Variants in UST observed in about 807,000 individuals in gnomAD.
UST encodes chondroitin sulfate 2-O-sulfotransferase.
UST carries 21 observed loss-of-function variants against 45.6 expected under a neutral mutation model. The ratio of observed to expected loss-of-function variants is 0.46; its 90% CI spans 0.33 to 0.66. UST has a LOEUF of 0.66. Ranked by LOEUF, UST falls within the 30% of genes least tolerant of loss-of-function variation. The pLI is 0.02. For missense variants in UST, 463 were observed against 512.4 expected, an observed-to-expected ratio of 0.90 and a Z score of 0.93; for synonymous variants, 215 against 200.6, an observed-to-expected ratio of 1.07 and a Z score of -0.61.
chr6:149,014,123 G>T (rs2115015596), intron 5 of UST, among the ~76,000 whole-genome samples: 1 of 152,354 alleles, frequency 6.6e-6, no homozygotes, highest in African/African-American at 2.4e-5. Flanking sequence ...GGAGAAGGAG[G>T]CAGGGCTGTG....
At chr6:148,904,506 T>G (rs2114868737) in intron 2 of UST, among the ~76,000 whole-genome samples, 1 of 152,230 alleles carries the variant, frequency 6.6e-6, no homozygotes, top group South Asian at 2.1e-4. Context: ...TAGTGGTTAT[T>G]GACTCTTATT....
chr6:149,047,388 T>C (rs1015527519), intron 7 of UST, among the ~76,000 whole-genome samples: 19 of 152,248 alleles, frequency 1.2e-4, no homozygotes, highest in Admixed American at 1.2e-3. Context: ...ATGAAATAGA[T>C]TTAGGATTTC....
rs547803599 is a variant in UST at position 148,821,273 on chromosome 6, AT to A, written c.248-65702del. On this transcript the variant is annotated intron_variant, in intron 1 of 7. Transcript: ENST00000367463. Reference sequence around the variant, plus strand: ...GGCATGAGCCACCGCACCTGGCTGTATTTTTTTTTTTAAGTCTAATCCAATA... The same window carrying A: ...GGCATGAGCCACCGCACCTGGCTGTATTTTTTTTTTAAGTCTAATCCAATA... 4.4e-3 allele frequency among the ~76,000 whole-genome samples: 653 copies of A among 147,114 alleles called. 3 individuals carry two copies. The highest frequency in any genetic ancestry group is 0.014 in the African/African-American group (548 of 40,326).
chr6:149,000,547 T>A (rs1260022916), intron 5 of UST, among the ~76,000 whole-genome samples: 1 of 151,490 alleles, frequency 6.6e-6, no homozygotes, highest in African/African-American at 2.4e-5. Context: ...CTACAGACCA[T>A]ACATTCTAAG....
At chr6:149,011,276 A>C (rs1334477705) in intron 5 of UST, among the ~76,000 whole-genome samples, 1 of 152,164 alleles carries the variant, frequency 6.6e-6, no homozygotes. Context: ...AATTGAACTC[A>C]TGGAGATAGA....
At chr6:148,870,990 G>A (rs1778539048) in intron 1 of UST, among the ~76,000 whole-genome samples, 1 of 152,068 alleles carries the variant, frequency 6.6e-6, no homozygotes, top group Non-Finnish European at 1.5e-5. Context: ...ATATATTGAA[G>A]CCCTAACCCC....
rs1442528162 is a variant in UST, at chr6:148,909,993, GGAA to G, written c.291+22969_291+22971del. The stretch of plus-strand genomic sequence containing the variant: ...AGGAACTGTTCTGCATTGTTTTTGG[GGAA>G]GAAGTGTTTGCTATTTAATGATTTG... On this transcript the variant is annotated intron_variant, in intron 2 of 7. Coordinates refer to ENST00000367463, the MANE Select transcript of UST (RefSeq NM_005715.3). 2.0e-5 allele frequency among the ~76,000 whole-genome samples: 3 copies of G among 152,034 alleles called. No homozygotes were observed. In the South Asian group the frequency reaches 6.2e-4, roughly 32 times the overall value.
intron 5 of UST, among the ~76,000 whole-genome samples, chr6:149,010,847 G>C (rs569070745): frequency 7.5e-6 from 1 of 133,840 alleles, no homozygotes; most frequent in Non-Finnish European, 1.5e-5. Flanking sequence ...AGCCGAGATC[G>C]CGCCTCTGCA....
At chr6:148,849,454 G>A (rs1016498975) in intron 1 of UST, among the ~76,000 whole-genome samples, 7 of 151,956 alleles carry the variant, frequency 4.6e-5, no homozygotes, top group African/African-American at 1.5e-4. Context: ...AGTTTATTCC[G>A]GGCAGTTTAC....
intron 5 of UST, chr6:148,990,328 A>G (rs1281071679): frequency 1.4e-5 from 13 of 923,704 alleles, no homozygotes; most frequent in African/African-American, 1.8e-5. Context: ...AAGACAAAGA[A>G]TAAGATTTGA....
chr6:148,984,702 G>A (rs1252028494), intron 5 of UST, among the ~76,000 whole-genome samples: 1 of 152,114 alleles, frequency 6.6e-6, no homozygotes, highest in Non-Finnish European at 1.5e-5. Context: ...AGCGAATGGG[G>A]CCTTGCTGTG....
At chr6:149,021,109 T>C (rs1775971329) in intron 6 of UST, among the ~76,000 whole-genome samples, 1 of 151,926 alleles carries the variant, frequency 6.6e-6, no homozygotes, top group African/African-American at 2.4e-5. Context: ...GAAGCATGGA[T>C]GAAAGTGACA....
intron 1 of UST, among the ~76,000 whole-genome samples, chr6:148,869,591 G>A (rs1218484216): frequency 1.3e-5 from 2 of 152,172 alleles, no homozygotes; most frequent in Non-Finnish European, 1.5e-5. Flanking sequence ...AGATGGGATG[G>A]TTCTATCTGT....
chr6:148,864,420 G>C (rs1260090969), intron 1 of UST, among the ~76,000 whole-genome samples: 1 of 152,236 alleles, frequency 6.6e-6, no homozygotes, highest in African/African-American at 2.4e-5. Flanking sequence ...CCCTTGGCTA[G>C]GAAAGGGAAT....
chr6:149,030,148 C>T (rs547567219), intron 7 of UST, among the ~76,000 whole-genome samples: 2 of 152,098 alleles, frequency 1.3e-5, no homozygotes, highest in African/African-American at 4.8e-5. Flanking sequence ...AACCAAGGCT[C>T]AAAGAGGCTG....
At chr6:148,949,433 A>ATAT (rs1425305156) in intron 3 of UST, among the ~76,000 whole-genome samples, 1 of 53,080 alleles carries the variant, frequency 1.9e-5, no homozygotes. Flanking sequence ...AATAATAATA[A>ATAT]TATTACTTAT....
At chr6:148,780,611 T>G (rs1776625950) in intron 1 of UST, among the ~76,000 whole-genome samples, 1 of 152,228 alleles carries the variant, frequency 6.6e-6, no homozygotes, top group African/African-American at 2.4e-5. Context: ...CTGCAAGAAC[T>G]TGATCTCATT....
intron 1 of UST, among the ~76,000 whole-genome samples, chr6:148,866,009 A>G (rs1289400600): frequency 6.6e-6 from 1 of 151,982 alleles, no homozygotes; most frequent in Admixed American, 6.6e-5. Context: ...ATGTGTGTGT[A>G]TGTATATGTA....
intron 5 of UST, among the ~76,000 whole-genome samples, chr6:148,980,537 C>T (rs956939031): frequency 6.6e-6 from 1 of 152,198 alleles, no homozygotes; most frequent in African/African-American, 2.4e-5. Context: ...GTGAATTCTA[C>T]AGGCCTTTCT....
Sources: allele counts gnomAD v4.1 joint callset (sites outside exome capture counted in the v4.1 genomes callset), GRCh38; gene constraint gnomAD v4.1.1; transcripts MANE v1.5; gene names NCBI Gene and HGNC (gene_info 2026-07-23, HGNC 2026-07-21).